Variants in LANCL3 observed in about 807,000 individuals in gnomAD.
LANCL3 encodes LanC like family member 3.
In LANCL3, 19 loss-of-function variants were observed where a neutral mutation model predicts 26.5. The ratio of observed to expected loss-of-function variants is 0.72; its 90% CI spans 0.50 to 1.05. The LOEUF is 1.05. LANCL3 is among the 50% of genes least tolerant of loss of function. LANCL3 has a pLI of 0.00. For synonymous variants in LANCL3, 160 were observed against 166.6 expected (o/e 0.96, Z 0.30); for missense variants, 318 against 362.7 (o/e 0.88, Z 1.00).
At chrX:37,659,432 G>A (rs1556432026) in intron 2 of LANCL3, 30 bp from the exon 3 acceptor site, 2 of 1,124,089 alleles carry the variant, frequency 1.8e-6, no homozygotes, top group South Asian at 3.7e-5. Context: ...TCCCAATTGT[G>A]TGAATTTTAT....
intron 2 of LANCL3, among the ~76,000 whole-genome samples, chrX:37,657,219 G>A (rs1473895202): frequency 5.3e-5 from 6 of 112,833 alleles, no homozygotes; most frequent in African/African-American, 1.9e-4. Context: ...ATACTCCTGT[G>A]GCCAGAGAAA....
rs1265643372 is a variant in LANCL3 at position 37,677,745 on chromosome X, G to C, written c.*1932G>C. ...TCCAAGAACCCCTCAAGATGTGTTTGGTAAATGCTCCAAAGTCTTACAGCT... is the reference window on the plus strand; with the variant it reads ...TCCAAGAACCCCTCAAGATGTGTTTCGTAAATGCTCCAAAGTCTTACAGCT... On this transcript the variant is annotated 3_prime_UTR_variant, in exon 5 of 5. Transcript: ENST00000378619. 8.9e-6 allele frequency: 1 copy of C among 111,942 alleles called. No homozygotes were observed. The highest frequency in any genetic ancestry group is 9.5e-5 in the Admixed American group (1 of 10,559). 9.2% of individuals were successfully genotyped at this position (111,942 alleles called of 1,213,427 possible). A position where few individuals can be genotyped will look rare whatever the true frequency, so the allele number is the denominator to read the frequency against.
chrX:37,654,904 AAG>A (rs1556430370), intron 1 of LANCL3, among the ~76,000 whole-genome samples: 2 of 112,293 alleles, frequency 1.8e-5, no homozygotes, highest in African/African-American at 6.5e-5. Flanking sequence ...CACTGTCATA[AAG>A]GGAGTGTGCC....
chrX:37,584,579 C>A, intron 1 of LANCL3, among the ~76,000 whole-genome samples: 1 of 111,592 alleles, frequency 9.0e-6, no homozygotes. Context: ...TTATCCATTT[C>A]TTCTAGGTTT....
chrX:37,591,166 C>G (rs1556418883), intron 1 of LANCL3, among the ~76,000 whole-genome samples: 1 of 107,287 alleles, frequency 9.3e-6, no homozygotes, highest in Non-Finnish European at 1.9e-5. Flanking sequence ...TATCATCACA[C>G]AGCTAGTAAA....
At chrX:37,629,332 T>C (rs1925412632) in intron 1 of LANCL3, among the ~76,000 whole-genome samples, 1 of 107,597 alleles carries the variant, frequency 9.3e-6, no homozygotes, top group Admixed American at 9.9e-5. Context: ...GAGTTCACTG[T>C]AGATTCTGGA....
chrX:37,634,535 G>A (rs964389800), intron 1 of LANCL3, among the ~76,000 whole-genome samples: 16 of 112,577 alleles, frequency 1.4e-4, no homozygotes, highest in Non-Finnish European at 2.8e-4. Flanking sequence ...CTTCTGCGTC[G>A]CTCGCGCTGG....
intron 1 of LANCL3, among the ~76,000 whole-genome samples, chrX:37,645,422 C>A (rs2146770244): frequency 8.9e-6 from 1 of 111,941 alleles, no homozygotes; most frequent in African/African-American, 3.2e-5. Context: ...CATTCTGCAC[C>A]AGCACACATG....
intron 4 of LANCL3, among the ~76,000 whole-genome samples, chrX:37,669,990 C>T (rs1926642548): frequency 8.9e-6 from 1 of 112,131 alleles, no homozygotes; most frequent in African/African-American, 3.3e-5. Context: ...TTTAAAATGG[C>T]TATATAGTTA....
chrX:37,652,941 C>T (rs1556429619), intron 1 of LANCL3, among the ~76,000 whole-genome samples: 2 of 111,860 alleles, frequency 1.8e-5, no homozygotes, highest in African/African-American at 6.5e-5. Flanking sequence ...CAGTGTTCCC[C>T]ACACACAGGC....
intron 1 of LANCL3, among the ~76,000 whole-genome samples, chrX:37,616,170 T>C: frequency 9.0e-6 from 1 of 111,546 alleles, no homozygotes; most frequent in Non-Finnish European, 1.9e-5. Flanking sequence ...CAACCATTAA[T>C]GTTCCAGGAA....
chrX:37,594,857 G>A (rs1266592293), intron 1 of LANCL3, among the ~76,000 whole-genome samples: 1 of 111,407 alleles, frequency 9.0e-6, no homozygotes, highest in Non-Finnish European at 1.9e-5. Context: ...GTACAGGTTA[G>A]AAGTCCTGAA....
intron 1 of LANCL3, among the ~76,000 whole-genome samples, chrX:37,631,858 A>T (rs1276708069): frequency 4.6e-5 from 5 of 109,547 alleles, no homozygotes; most frequent in African/African-American, 1.0e-4. Context: ...TGCTGAGGAG[A>T]GCTTTACTTC....
chrX:37,579,592 T>C (rs1416529134), intron 1 of LANCL3, among the ~76,000 whole-genome samples: 1 of 111,774 alleles, frequency 8.9e-6, no homozygotes, highest in Non-Finnish European at 1.9e-5. Context: ...GGAATTTTCC[T>C]GGTAGTATTT....
At chrX:37,656,898 C>T (rs1040487346) in intron 2 of LANCL3, among the ~76,000 whole-genome samples, 1 of 112,800 alleles carries the variant, frequency 8.9e-6, no homozygotes, top group African/African-American at 3.2e-5. Flanking sequence ...CAAAATCAAA[C>T]GCTGAGACAA....
chrX:37,574,702 G>T (rs1923698026), intron 1 of LANCL3, among the ~76,000 whole-genome samples: 1 of 110,519 alleles, frequency 9.0e-6, no homozygotes, highest in African/African-American at 3.3e-5. Flanking sequence ...CTTAAAAATA[G>T]CCGAGAAGGC....
chrX:37,633,717 A>G (rs1252816570), intron 1 of LANCL3, among the ~76,000 whole-genome samples: 1 of 111,810 alleles, frequency 8.9e-6, no homozygotes, highest in Admixed American at 9.5e-5. Flanking sequence ...TTGCCTGGGT[A>G]TCAGCAGCGG....
In LANCL3 at chrX:37,631,833, CTGT is replaced by C. The variant is rs1320246999; in HGVS notation, c.574-23853_574-23851del. On this transcript the variant is annotated intron_variant, in intron 1 of 4. Coordinates refer to ENST00000378619, the MANE Select transcript of LANCL3 (RefSeq NM_001170331.2). ...TCTGAGAGACAGTTTGTTATAATTT[CTGT>C]TCTTTTACATTTGCTGAGGAGAGCT... 2.3e-4 allele frequency among the ~76,000 whole-genome samples: 25 copies of C among 110,904 alleles called. No individual in the cohort carries two copies. In the East Asian group the frequency reaches 6.8e-3, roughly 30 times the overall value.
intron 1 of LANCL3, among the ~76,000 whole-genome samples, chrX:37,605,616 C>T (rs1408571624): frequency 1.8e-5 from 2 of 111,836 alleles, no homozygotes; most frequent in Non-Finnish European, 3.8e-5. Flanking sequence ...TCTACTGCTT[C>T]ATACACACAG....
Sources: gnomAD v4.1 joint callset for allele counts (sites outside exome capture counted in the v4.1 genomes callset) on GRCh38, gnomAD v4.1.1 for gene constraint, MANE v1.5 for transcripts, NCBI Gene and HGNC (gene_info 2026-07-23, HGNC 2026-07-21) for gene names.